Variants in EMCN observed in about 807,000 individuals in gnomAD.
EMCN encodes the protein endomucin, also known as MUC-14.
EMCN carries 37 observed loss-of-function variants against 38.4 expected under a neutral mutation model. That is an observed-to-expected ratio of 0.96 (90% CI 0.74 to 1.27). EMCN has a LOEUF of 1.27. Ranked by LOEUF, EMCN falls within the 50% of genes most tolerant of loss-of-function variation. The probability of loss-of-function intolerance (pLI) is 0.00; values close to 1 mark genes in which losing one functional copy is unlikely to be tolerated. For missense variants in EMCN, 318 were observed against 302.8 expected (o/e 1.05, Z -0.37); for synonymous variants, 95 against 100.8 (o/e 0.94, Z 0.35).
At chr4:100,517,135 C>A (rs1192750190) in intron 1 of EMCN, among the ~76,000 whole-genome samples, 1 of 152,056 alleles carries the variant, frequency 6.6e-6, no homozygotes. Flanking sequence ...GTAAATCGTT[C>A]TTGAAATTGT....
At chr4:100,414,050 C>T (rs1379273512) in intron 10 of EMCN, among the ~76,000 whole-genome samples, 1 of 152,148 alleles carries the variant, frequency 6.6e-6, no homozygotes, top group Non-Finnish European at 1.5e-5. Flanking sequence ...TGCTGGAAGT[C>T]ATGATTCTAG....
chr4:100,480,338 G>A (rs11939542), intron 1 of EMCN, among the ~76,000 whole-genome samples: 3 of 151,578 alleles, frequency 2.0e-5, no homozygotes, highest in Non-Finnish European at 2.9e-5. Context: ...TTAATCCAAC[G>A]AAACTAACCT....
intron 2 of EMCN, 41 bp from the exon 3 acceptor site, chr4:100,475,150 C>T: frequency 1.0e-6 from 1 of 993,856 alleles, no homozygotes; most frequent in East Asian, 2.7e-5. Flanking sequence ...TAATCATAAT[C>T]TCATGTTATC....
At chr4:100,467,430 G>A (rs1427850890) in intron 3 of EMCN, among the ~76,000 whole-genome samples, 1 of 152,074 alleles carries the variant, frequency 6.6e-6, no homozygotes, top group Non-Finnish European at 1.5e-5. Flanking sequence ...TGTAATCCCA[G>A]CACTTTGGGA....
At chr4:100,426,065 T>G (rs1304034937) in intron 5 of EMCN, among the ~76,000 whole-genome samples, 1 of 152,130 alleles carries the variant, frequency 6.6e-6, no homozygotes, top group Non-Finnish European at 1.5e-5. Context: ...ATTTACCCCA[T>G]CAGCATCTGA....
chr4:100,440,878 G>A (rs1422115748), intron 5 of EMCN, among the ~76,000 whole-genome samples: 2 of 152,050 alleles, frequency 1.3e-5, no homozygotes, highest in Non-Finnish European at 2.9e-5. Flanking sequence ...GAGGTCAGGA[G>A]ATTGAGACCA....
intron 11 of EMCN, among the ~76,000 whole-genome samples, chr4:100,401,573 T>G: frequency 6.6e-6 from 1 of 152,184 alleles, no homozygotes. Flanking sequence ...TTGTGTTATT[T>G]TATTTTAAAA....
chr4:100,449,458 C>T (rs1024048712), intron 4 of EMCN, among the ~76,000 whole-genome samples: 43 of 152,002 alleles, frequency 2.8e-4, no homozygotes, highest in African/African-American at 8.9e-4. Flanking sequence ...CTAAACTGTT[C>T]CAAATAGAAA....
At chr4:100,512,345 A>G (rs1729648075) in intron 1 of EMCN, among the ~76,000 whole-genome samples, 1 of 152,164 alleles carries the variant, frequency 6.6e-6, no homozygotes, top group African/African-American at 2.4e-5. Context: ...TGACACCACT[A>G]ATGTTTCCCA....
At chr4:100,505,216 G>A (rs185491200) in intron 1 of EMCN, among the ~76,000 whole-genome samples, 46 of 152,156 alleles carry the variant, frequency 3.0e-4, no homozygotes, top group Non-Finnish European at 2.4e-4. Flanking sequence ...ACTGGTCTCC[G>A]CGTCTTGGTG....
rs190461429 is a variant in EMCN at position 100,448,339 on chromosome 4, C to T, written c.377-768G>A. ...GACATTTTTAAAAGTCCACTTGCTTCCTTTGTATATTCACTTGACTCTCTA... is the reference window on the plus strand; with the variant it reads ...GACATTTTTAAAAGTCCACTTGCTTTCTTTGTATATTCACTTGACTCTCTA... On this transcript the variant is annotated intron_variant, in intron 4 of 11. Coordinates refer to ENST00000296420, the MANE Select transcript of EMCN (RefSeq NM_016242.4). Among the ~76,000 whole-genome samples the T allele has an allele frequency of 1.4e-3, 212 of 152,200 alleles. 1 individual carries two copies. The highest frequency in any genetic ancestry group is 4.8e-3 in the African/African-American group (198 of 41,552).
At chr4:100,473,022 T>A (rs1578216702) in intron 3 of EMCN, among the ~76,000 whole-genome samples, 1 of 80,798 alleles carries the variant, frequency 1.2e-5, no homozygotes, top group Non-Finnish European at 2.5e-5. Context: ...TATATATATA[T>A]TTTTTTTTTT....
intron 1 of EMCN, among the ~76,000 whole-genome samples, chr4:100,497,184 A>G (rs1369583234): frequency 6.6e-6 from 1 of 151,574 alleles, no homozygotes; most frequent in Non-Finnish European, 1.5e-5. Flanking sequence ...AAGGAAGTAT[A>G]AGACCTACAA....
At chr4:100,403,353 GTTGTTGCAAAAGTA>G (rs1362771737) in intron 11 of EMCN, among the ~76,000 whole-genome samples, 1 of 152,024 alleles carries the variant, frequency 6.6e-6, no homozygotes, top group Non-Finnish European at 1.5e-5. Flanking sequence ...ATTCATCCAT[GTTGTTGCAAAAGTA>G]ACAATCTGGC....
intron 10 of EMCN, among the ~76,000 whole-genome samples, chr4:100,411,350 C>A (rs571421793): frequency 6.6e-6 from 1 of 152,160 alleles, no homozygotes; most frequent in African/African-American, 2.4e-5. Context: ...TTGGAACCCA[C>A]GGCTATGAAG....
intron 1 of EMCN, among the ~76,000 whole-genome samples, chr4:100,512,953 G>A (rs1729666764): frequency 6.6e-6 from 1 of 152,164 alleles, no homozygotes; most frequent in Admixed American, 6.6e-5. Context: ...TTATTCACAA[G>A]TTAAAATATT....
intron 5 of EMCN, among the ~76,000 whole-genome samples, chr4:100,434,868 A>G (rs923406948): frequency 3.3e-5 from 5 of 152,234 alleles, no homozygotes; most frequent in Admixed American, 6.5e-5. Context: ...TATTGAAGGA[A>G]CATACCTCTA....
At chr4:100,482,284 AG>A (rs1728829277) in intron 1 of EMCN, among the ~76,000 whole-genome samples, 1 of 151,968 alleles carries the variant, frequency 6.6e-6, no homozygotes, top group African/African-American at 2.4e-5. Flanking sequence ...TGTTTCATGA[AG>A]CTTTGGTATA....
At position 100,480,969 on chromosome 4, in the gene EMCN, T is replaced by C. The variant is rs1728789684; in HGVS notation, c.65-930A>G. 2.0e-5 allele frequency among the ~76,000 whole-genome samples: 3 copies of C among 152,118 alleles called. No individual in the cohort carries two copies. In the South Asian group the frequency reaches 6.2e-4, roughly 31 times the overall value. On this transcript the variant is annotated intron_variant, in intron 1 of 11. Coordinates refer to ENST00000296420, the MANE Select transcript of EMCN (RefSeq NM_016242.4). The stretch of plus-strand genomic sequence containing the variant: ...AATTATTGTAATTTATTAGCATTTA[T>C]AAAATATTTTTAGTCCTGTATTTTG...
Sources: gnomAD v4.1 joint callset for allele counts (sites outside exome capture counted in the v4.1 genomes callset) on GRCh38, gnomAD v4.1.1 for gene constraint, MANE v1.5 for transcripts, NCBI Gene and HGNC (gene_info 2026-07-23, HGNC 2026-07-21) for gene names.